The following DNM3 variants were observed in gnomAD, a reference collection of about 807,000 sequenced individuals.
DNM3 encodes the protein dynamin 3, also known as dynamin-3.
DNM3 carries 47 observed loss-of-function variants against 101.6 expected under a neutral mutation model. That is an observed-to-expected ratio of 0.46 (90% CI 0.37 to 0.59). The LOEUF is 0.59. Ranked by LOEUF, DNM3 falls within the 20% of genes least tolerant of loss-of-function variation. The probability of loss-of-function intolerance (pLI) is 0.00; values close to 1 mark genes in which losing one functional copy is unlikely to be tolerated. For synonymous variants in DNM3, 385 were observed against 387.9 expected (o/e 0.99, Z 0.09); for missense variants, 849 against 1,085.7 (o/e 0.78, Z 3.06).
chr1:172,069,322 T>C (rs544394695), intron 11 of DNM3, among the ~76,000 whole-genome samples: 1 of 152,220 alleles, frequency 6.6e-6, no homozygotes, highest in Non-Finnish European at 1.5e-5. Flanking sequence ...TAAAACATTA[T>C]GCAAAATGCT....
At chr1:172,352,336 C>G (rs1176530796) in intron 17 of DNM3, among the ~76,000 whole-genome samples, 1 of 152,082 alleles carries the variant, frequency 6.6e-6, no homozygotes, top group East Asian at 1.9e-4. Context: ...TTTTAGTTGA[C>G]TATTTGTAAA....
intron 11 of DNM3, among the ~76,000 whole-genome samples, chr1:172,079,036 T>C (rs2052915498): frequency 6.6e-6 from 1 of 152,236 alleles, no homozygotes; most frequent in Admixed American, 6.5e-5. Context: ...CCTTTCTCTC[T>C]TGCTGCCCTT....
chr1:172,304,129 A>G (rs980257806), intron 15 of DNM3, among the ~76,000 whole-genome samples: 4 of 150,712 alleles, frequency 2.7e-5, no homozygotes, highest in Non-Finnish European at 4.4e-5. Context: ...TGTATTCAGG[A>G]GACCCATCTC....
intron 14 of DNM3, among the ~76,000 whole-genome samples, chr1:172,252,376 G>C (rs1171035996): frequency 6.6e-6 from 1 of 152,144 alleles, no homozygotes; most frequent in Non-Finnish European, 1.5e-5. Flanking sequence ...ACTGATTAGG[G>C]AGCACAGAAG....
At chr1:172,304,783 AG>A (rs1303074638) in intron 15 of DNM3, among the ~76,000 whole-genome samples, 1 of 152,136 alleles carries the variant, frequency 6.6e-6, no homozygotes, top group African/African-American at 2.4e-5. Flanking sequence ...TGAAGGACTA[AG>A]GGTTTAATAA....
chr1:172,152,669 T>A (rs775506078), intron 14 of DNM3, among the ~76,000 whole-genome samples: 3 of 152,162 alleles, frequency 2.0e-5, no homozygotes, highest in Non-Finnish European at 4.4e-5. Context: ...GCATTTGTCC[T>A]GTGTATGTAT....
intron 7 of DNM3, among the ~76,000 whole-genome samples, chr1:172,039,581 G>T (rs2049219976): frequency 6.6e-6 from 1 of 151,832 alleles, no homozygotes; most frequent in Non-Finnish European, 1.5e-5. Flanking sequence ...TAGGCCCTAG[G>T]TCATTATCTT....
At chr1:172,085,435 C>G in intron 12 of DNM3, among the ~76,000 whole-genome samples, 1 of 152,092 alleles carries the variant, frequency 6.6e-6, no homozygotes, top group East Asian at 1.9e-4. Flanking sequence ...AACTCCTCTG[C>G]TCTTCTTCAT....
intron 13 of DNM3, among the ~76,000 whole-genome samples, chr1:172,128,001 C>T (rs779287451): frequency 3.9e-5 from 6 of 152,152 alleles, no homozygotes; most frequent in Non-Finnish European, 7.3e-5. Context: ...ATTGTACTGT[C>T]ATATCCCTTT....
intron 2 of DNM3, among the ~76,000 whole-genome samples, chr1:171,927,420 C>A (rs1396783806): frequency 2.6e-5 from 4 of 152,072 alleles, no homozygotes; most frequent in Non-Finnish European, 5.9e-5. Context: ...TCAAGTAGAC[C>A]CCAGTGTCTA....
In DNM3 at chr1:172,373,493, T is replaced by C. The variant is rs534137768; in HGVS notation, c.1894-5525T>C. On this transcript the variant is annotated intron_variant, in intron 17 of 20. Coordinates refer to ENST00000627582, the MANE Select transcript of DNM3 (RefSeq NM_015569.5). ...ATCTGATACACTACAAAATTTAAAA[T>C]AATACAGAATTGTTTCAAATAATAA... Among the ~76,000 whole-genome samples, 7 of 152,216 alleles carry C rather than the reference T, an allele frequency of 4.6e-5. No individual in the cohort carries two copies. The South Asian group carries it at 1.4e-3, about 32-fold the overall frequency.
intron 12 of DNM3, 37 bp from the exon 13 acceptor site, chr1:172,092,787 G>GT: frequency 6.5e-7 from 1 of 1,529,780 alleles, no homozygotes; most frequent in Non-Finnish European, 8.8e-7. Context: ...AAAATTATAT[G>GT]TGTCTCTTCA....
chr1:171,880,912 A>C (rs2036213174), intron 1 of DNM3, among the ~76,000 whole-genome samples: 1 of 152,168 alleles, frequency 6.6e-6, no homozygotes, highest in Non-Finnish European at 1.5e-5. Context: ...AAGTAAAAAA[A>C]AAACCTATGT....
intron 4 of DNM3, among the ~76,000 whole-genome samples, chr1:172,028,386 C>T (rs1024053365): frequency 2.6e-5 from 4 of 152,246 alleles, no homozygotes; most frequent in South Asian, 2.1e-4. Flanking sequence ...AAAGACACAA[C>T]GTACCAGAAT....
At chr1:172,129,971 C>A (rs371111410) in intron 13 of DNM3, among the ~76,000 whole-genome samples, 2 of 151,954 alleles carry the variant, frequency 1.3e-5, no homozygotes, top group African/African-American at 4.8e-5. Flanking sequence ...GGCACCAAGG[C>A]AATGCTGAAA....
At chr1:171,974,139 G>C (rs1440514000) in intron 2 of DNM3, among the ~76,000 whole-genome samples, 1 of 152,062 alleles carries the variant, frequency 6.6e-6, no homozygotes, top group African/African-American at 2.4e-5. Flanking sequence ...AGATATTTTG[G>C]ATAGACTTCT....
chr1:172,149,999 A>G (rs1303380997), intron 14 of DNM3, among the ~76,000 whole-genome samples: 1 of 152,178 alleles, frequency 6.6e-6, no homozygotes, highest in East Asian at 1.9e-4. Flanking sequence ...TGATAGGCAT[A>G]CTTGCGTAAT....
chr1:172,417,106 T>A (rs914750801), downstream of DNM3, among the ~76,000 whole-genome samples: 1 of 152,214 alleles, frequency 6.6e-6, no homozygotes, highest in South Asian at 2.1e-4. Flanking sequence ...ATAGACTTCA[T>A]TGCTCCACTC....
chr1:172,299,807 A>G (rs1384654327), intron 15 of DNM3, among the ~76,000 whole-genome samples: 1 of 152,134 alleles, frequency 6.6e-6, no homozygotes, highest in African/African-American at 2.4e-5. Context: ...AGGTTGATTC[A>G]ATGTCTTTGC....
Sources: allele counts gnomAD v4.1 joint callset (sites outside exome capture counted in the v4.1 genomes callset), GRCh38; gene constraint gnomAD v4.1.1; transcripts MANE v1.5; gene names NCBI Gene and HGNC (gene_info 2026-07-23, HGNC 2026-07-21).